Variants in MAGI2 observed in about 807,000 individuals in gnomAD.
MAGI2 encodes membrane associated guanylate kinase, WW and PDZ domain containing 2, also known as membrane-associated guanylate kinase, WW and PDZ domain-containing protein 2.
In MAGI2, 35 loss-of-function variants were observed where a neutral mutation model predicts 133.3. The ratio of observed to expected loss-of-function variants is 0.26; its 90% CI spans 0.20 to 0.35. The LOEUF (loss-of-function observed/expected upper bound fraction) is 0.35. MAGI2 is among the 10% of genes least tolerant of loss of function. The pLI, the probability that MAGI2 is intolerant of heterozygous loss-of-function variation, is 1.00. For synonymous variants in MAGI2, 729 were observed against 710.6 expected, an observed-to-expected ratio of 1.03 and a Z score of -0.41; for missense variants, 1,636 against 1,863.4, an observed-to-expected ratio of 0.88 and a Z score of 2.25.
chr7:79,199,469 A>G (rs916330789), intron 1 of MAGI2, among the ~76,000 whole-genome samples: 27 of 152,050 alleles, frequency 1.8e-4, no homozygotes, highest in African/African-American at 6.5e-4. Context: ...GCGGAGGCAT[A>G]TGAGGCACAG....
chr7:78,211,630 T>C (rs1164475759), intron 10 of MAGI2, among the ~76,000 whole-genome samples: 1 of 152,226 alleles, frequency 6.6e-6, no homozygotes. Flanking sequence ...ACTATTTTAA[T>C]AGTAATGCAC....
At chr7:78,382,127 G>A (rs564239103) in intron 6 of MAGI2, among the ~76,000 whole-genome samples, 124 of 152,190 alleles carry the variant, frequency 8.1e-4, no homozygotes, top group Non-Finnish European at 6.3e-4. Context: ...TGTGAAGAAA[G>A]TCTCTATGAT....
chr7:79,194,931 T>C (rs1031807440), intron 1 of MAGI2, among the ~76,000 whole-genome samples: 2 of 151,990 alleles, frequency 1.3e-5, no homozygotes, highest in Admixed American at 1.3e-4. Context: ...ATGCTATTAA[T>C]AAAATGAAGT....
chr7:79,410,791 T>C (rs1846091681), intron 1 of MAGI2: 1 of 152,178 alleles, frequency 6.6e-6, no homozygotes, highest in Non-Finnish European at 1.5e-5. Flanking sequence ...AGTAAAATTT[T>C]TGAATGCAGA....
Position 79,324,533 on chromosome 7 carries a change from A to ATG in MAGI2, c.301+128486_301+128487insCA, listed in dbSNP as rs201749759. The stretch of plus-strand genomic sequence containing the variant: ...ATAACCATATATATACACCATATAT[A>ATG]TATAACCATATATATACATATATAC... On this transcript the variant is annotated intron_variant, in intron 1 of 21. Transcript: ENST00000354212. 4.1e-4 allele frequency among the ~76,000 whole-genome samples: 6 copies of ATG among 14,662 alleles called. 1 individual carries two copies. Among genetic ancestry groups the ATG allele is most frequent in the African/African-American group, 1.1e-3 (5 of 4,732 alleles). 9.6% of individuals were successfully genotyped at this position (14,662 alleles called of 152,430 possible).
intron 2 of MAGI2, among the ~76,000 whole-genome samples, chr7:78,704,321 G>A (rs980528298): frequency 1.2e-4 from 18 of 151,896 alleles, no homozygotes; most frequent in Admixed American, 2.0e-4. Flanking sequence ...GAAAAAATGC[G>A]CAACATCACT....
intron 1 of MAGI2, among the ~76,000 whole-genome samples, chr7:79,252,179 G>A (rs13310089): frequency 0.021 from 430 of 20,202 alleles, 7 homozygotes; most frequent in African/African-American, 0.047. Context: ...AAAAAAAAAA[G>A]AAGAAGAAGA....
chr7:78,887,301 C>A (rs984439466), intron 2 of MAGI2, among the ~76,000 whole-genome samples: 3 of 152,174 alleles, frequency 2.0e-5, no homozygotes, highest in Non-Finnish European at 4.4e-5. Context: ...TTTAAACATT[C>A]TTTTTATTCA....
intron 21 of MAGI2, among the ~76,000 whole-genome samples, chr7:78,043,678 G>A (rs11763565): frequency 0.058 from 8,860 of 152,184 alleles, 313 homozygotes; most frequent in South Asian, 0.076. Context: ...ATGTCTTCAC[G>A]GTCAACTTTT....
chr7:79,306,917 A>G (rs940607106), intron 1 of MAGI2, among the ~76,000 whole-genome samples: 1 of 151,926 alleles, frequency 6.6e-6, no homozygotes, highest in African/African-American at 2.4e-5. Flanking sequence ...TGGTTCAAGC[A>G]GTTCCCCTGC....
At chr7:78,911,732 A>C (rs1213756393) in intron 2 of MAGI2, among the ~76,000 whole-genome samples, 2 of 152,068 alleles carry the variant, frequency 1.3e-5, no homozygotes, top group East Asian at 3.9e-4. Context: ...TCGGGGGTAC[A>C]TGTGAAGGTT....
chr7:79,369,753 T>A (rs1842942641), intron 1 of MAGI2, among the ~76,000 whole-genome samples: 1 of 152,172 alleles, frequency 6.6e-6, no homozygotes, highest in Admixed American at 6.6e-5. Context: ...TTATTGCTTT[T>A]CAGGTGTTTG....
intron 9 of MAGI2, among the ~76,000 whole-genome samples, chr7:78,263,651 C>T (rs999667750): frequency 1.3e-5 from 2 of 152,088 alleles, no homozygotes; most frequent in African/African-American, 2.4e-5. Context: ...GAATAGTCTT[C>T]ATATTCTCCA....
intron 6 of MAGI2, among the ~76,000 whole-genome samples, chr7:78,472,426 T>A (rs1470397979): frequency 6.6e-6 from 1 of 151,690 alleles, no homozygotes; most frequent in African/African-American, 2.4e-5. Flanking sequence ...TAATATTTAC[T>A]AGATCAAGAA....
At chr7:79,032,904 C>T (rs1310780258) in intron 1 of MAGI2, among the ~76,000 whole-genome samples, 2 of 141,820 alleles carry the variant, frequency 1.4e-5, no homozygotes, top group East Asian at 3.8e-4. Context: ...GGACAGGCTA[C>T]AGCTTCGTGG....
At chr7:78,455,420 A>G (rs577801563) in intron 6 of MAGI2, among the ~76,000 whole-genome samples, 79 of 152,242 alleles carry the variant, frequency 5.2e-4, no homozygotes, top group African/African-American at 1.5e-3. Flanking sequence ...TAATAAACAT[A>G]CCTTGCTTCT....
intron 6 of MAGI2, among the ~76,000 whole-genome samples, chr7:78,422,037 C>T (rs564183835): frequency 1.3e-5 from 2 of 152,260 alleles, no homozygotes; most frequent in Admixed American, 6.5e-5. Context: ...GGGCCAATTT[C>T]AATGTGTATT....
chr7:79,160,062 G>A (rs1414344832), intron 1 of MAGI2, among the ~76,000 whole-genome samples: 2 of 151,826 alleles, frequency 1.3e-5, no homozygotes, highest in African/African-American at 4.8e-5. Context: ...AAATTAATTT[G>A]GTAAATTTCA....
chr7:78,517,797 T>C (rs1241080586), intron 4 of MAGI2, among the ~76,000 whole-genome samples: 2 of 152,110 alleles, frequency 1.3e-5, no homozygotes, highest in African/African-American at 4.8e-5. Flanking sequence ...ACTCTATGTG[T>C]CTGGTGCAAT....
Sources: allele counts gnomAD v4.1 joint callset (sites outside exome capture counted in the v4.1 genomes callset), GRCh38; gene constraint gnomAD v4.1.1; transcripts MANE v1.5; gene names NCBI Gene and HGNC (gene_info 2026-07-23, HGNC 2026-07-21).